The following SOBP variants were observed in gnomAD, a reference collection of about 807,000 sequenced individuals.
SOBP encodes the protein sine oculis binding protein homolog.
SOBP carries 4 observed loss-of-function variants against 53.6 expected under a neutral mutation model. The ratio of observed to expected loss-of-function variants is 0.07; its 90% CI spans 0.04 to 0.17. The LOEUF (loss-of-function observed/expected upper bound fraction) is 0.17, where lower values mean the gene tolerates loss of function less well. Ranked by LOEUF, SOBP falls within the 10% of genes least tolerant of loss-of-function variation. The pLI is 1.00. For synonymous variants in SOBP, 584 were observed against 522.6 expected (o/e 1.12, Z -1.60); for missense variants, 1,088 against 1,204.7 (o/e 0.90, Z 1.43).
chr6:107,560,842 T>G lies in SOBP; in HGVS notation c.574-26238T>G, dbSNP rs77203688. ...CTCTGTTGGGTTCTGCTTCTCATCTTGTCTCCTATTGACGCAACTGAAATC... is the reference window on the plus strand; with the variant it reads ...CTCTGTTGGGTTCTGCTTCTCATCTGGTCTCCTATTGACGCAACTGAAATC... On this transcript the variant is annotated intron_variant, in intron 4 of 6. Transcript: ENST00000317357. Among the ~76,000 whole-genome samples, 596 of 152,336 alleles carry G rather than the reference T, an allele frequency of 3.9e-3. 6 individuals are homozygous for G. The highest frequency in any genetic ancestry group is 0.014 in the African/African-American group (564 of 41,570).
chr6:107,500,743 T>C (rs1426356486), intron 1 of SOBP, among the ~76,000 whole-genome samples: 2 of 152,114 alleles, frequency 1.3e-5, no homozygotes, highest in Non-Finnish European at 2.9e-5. Flanking sequence ...GCCAGGATGG[T>C]CTCGATCTCC....
At chr6:107,545,837 A>T (rs931029881) in intron 4 of SOBP, among the ~76,000 whole-genome samples, 1 of 152,088 alleles carries the variant, frequency 6.6e-6, no homozygotes, top group Non-Finnish European at 1.5e-5. Context: ...TGATTTTAAA[A>T]CTGTGCTGAA....
intron 3 of SOBP, among the ~76,000 whole-genome samples, chr6:107,528,620 T>C (rs1162942818): frequency 6.6e-6 from 1 of 152,226 alleles, no homozygotes; most frequent in African/African-American, 2.4e-5. Flanking sequence ...AATCAACAAA[T>C]ATTGATTAAC....
chr6:107,560,292 A>AG (rs1784736944), intron 4 of SOBP, among the ~76,000 whole-genome samples: 1 of 149,858 alleles, frequency 6.7e-6, no homozygotes. Flanking sequence ...TAGTAAAGAT[A>AG]GGAGTAGCCC....
At chr6:107,511,082 T>C (rs149102238) in intron 3 of SOBP, among the ~76,000 whole-genome samples, 2 of 152,228 alleles carry the variant, frequency 1.3e-5, no homozygotes, top group Non-Finnish European at 2.9e-5. Context: ...ATATTAGATA[T>C]TAAATTTAAA....
chr6:107,540,561 T>C (rs1784121773), intron 4 of SOBP, among the ~76,000 whole-genome samples: 1 of 152,234 alleles, frequency 6.6e-6, no homozygotes, highest in South Asian at 2.1e-4. Context: ...TCTATTGCAT[T>C]CTCTGTAAAC....
intron 4 of SOBP, among the ~76,000 whole-genome samples, chr6:107,566,454 CAGA>C (rs762501976): frequency 5.3e-5 from 8 of 152,204 alleles, no homozygotes; most frequent in Non-Finnish European, 1.0e-4. Context: ...AAGTTGAAGA[CAGA>C]AGATGTTACT....
chr6:107,521,458 G>A (rs1290228119), intron 3 of SOBP, among the ~76,000 whole-genome samples: 1 of 152,152 alleles, frequency 6.6e-6, no homozygotes, highest in Non-Finnish European at 1.5e-5. Context: ...ATTAGGAGGA[G>A]TTTAAAATTT....
At chr6:107,537,819 C>CAA (rs527261424) in intron 4 of SOBP, among the ~76,000 whole-genome samples, 81 of 94,636 alleles carry the variant, frequency 8.6e-4, no homozygotes, top group African/African-American at 1.4e-3. Flanking sequence ...GACCCTATCT[C>CAA]AAAAAAAAAA....
At chr6:107,530,420 G>C (rs1249834693) in intron 3 of SOBP, among the ~76,000 whole-genome samples, 2 of 152,076 alleles carry the variant, frequency 1.3e-5, no homozygotes, top group Non-Finnish European at 2.9e-5. Flanking sequence ...TTTTCTAGGG[G>C]TGCAGTCATA....
chr6:107,590,334 T>A (rs1785702670), intron 5 of SOBP, among the ~76,000 whole-genome samples: 1 of 152,200 alleles, frequency 6.6e-6, no homozygotes, highest in Non-Finnish European at 1.5e-5. Context: ...CTCCTGAGCC[T>A]ACTCCCCAGG....
intron 5 of SOBP, among the ~76,000 whole-genome samples, chr6:107,594,169 G>A (rs372917476): frequency 4.6e-5 from 7 of 152,144 alleles, no homozygotes; most frequent in Non-Finnish European, 8.8e-5. Flanking sequence ...GTGTGTCTGC[G>A]TCCTGGTGTG....
chr6:107,638,944 C>T (rs1339642710), intron 6 of SOBP, among the ~76,000 whole-genome samples: 1 of 151,638 alleles, frequency 6.6e-6, no homozygotes, highest in Non-Finnish European at 1.5e-5. Flanking sequence ...GGTCTGTTGC[C>T]CAGGCTGGAG....
chr6:107,597,330 A>G (rs1785982433), intron 5 of SOBP, among the ~76,000 whole-genome samples: 1 of 152,174 alleles, frequency 6.6e-6, no homozygotes, highest in Admixed American at 6.5e-5. Context: ...GTGAAACACC[A>G]TTTTTGGCTT....
intron 6 of SOBP, among the ~76,000 whole-genome samples, chr6:107,644,817 C>A (rs568805772): frequency 6.6e-6 from 1 of 152,236 alleles, no homozygotes; most frequent in South Asian, 2.1e-4. Context: ...AAGTGCTTGG[C>A]AAAATAAGTT....
At position 107,660,932 on chromosome 6, in the gene SOBP, G is replaced by C. The variant is rs547574660; in HGVS notation, c.*2729G>C. On this transcript the variant is annotated 3_prime_UTR_variant, in exon 7 of 7. Coordinates refer to ENST00000317357, the MANE Select transcript of SOBP (RefSeq NM_018013.4). ...CATGGAGCCCGAGAGAATCTTGGAG[G>C]CTTCCTGGTGCAGAGTTATATTTAT... Among the ~76,000 whole-genome samples, 1 of 152,284 alleles carries C rather than the reference G, an allele frequency of 6.6e-6. No homozygotes were observed. Among genetic ancestry groups the C allele is most frequent in the East Asian group, 1.9e-4 (1 of 5,184 alleles).
chr6:107,596,881 A>G (rs1785965899), intron 5 of SOBP, among the ~76,000 whole-genome samples: 1 of 152,218 alleles, frequency 6.6e-6, no homozygotes, highest in South Asian at 2.1e-4. Flanking sequence ...CCTACAGAAG[A>G]GACAAAGTAT....
At chr6:107,499,366 A>G (rs1782778777) in intron 1 of SOBP, among the ~76,000 whole-genome samples, 1 of 152,258 alleles carries the variant, frequency 6.6e-6, no homozygotes, top group Non-Finnish European at 1.5e-5. Context: ...ACATAGGGTT[A>G]TTGAAAGGAT....
At chr6:107,518,765 T>TTTTC (rs1554290335) in intron 3 of SOBP, among the ~76,000 whole-genome samples, 1 of 147,200 alleles carries the variant, frequency 6.8e-6, no homozygotes. Flanking sequence ...TTTTTTTTTT[T>TTTTC]CTCAAAAAGA....
Sources: allele counts gnomAD v4.1 joint callset (sites outside exome capture counted in the v4.1 genomes callset), GRCh38; gene constraint gnomAD v4.1.1; transcripts MANE v1.5; gene names NCBI Gene and HGNC (gene_info 2026-07-23, HGNC 2026-07-21).